ZFYVE28: variants seen among roughly 807,000 people sequenced by gnomAD.
The protein encoded by ZFYVE28 is zinc finger FYVE-type containing 28.
ZFYVE28 carries 40 observed loss-of-function variants against 82.1 expected under a neutral mutation model. The observed-to-expected ratio is 0.49, with a 90% confidence interval of 0.38 to 0.63. The LOEUF (loss-of-function observed/expected upper bound fraction) is 0.63. Ranked by LOEUF, ZFYVE28 falls within the 30% of genes least tolerant of loss-of-function variation. ZFYVE28 has a pLI of 0.00. For synonymous variants in ZFYVE28, 612 were observed against 546.1 expected, an observed-to-expected ratio of 1.12 and a Z score of -1.68; for missense variants, 1,321 against 1,242.1, an observed-to-expected ratio of 1.06 and a Z score of -0.96.
At chr4:2,354,387 C>T (rs892206797) in intron 1 of ZFYVE28, among the ~76,000 whole-genome samples, 1 of 151,662 alleles carries the variant, frequency 6.6e-6, no homozygotes, top group Non-Finnish European at 1.5e-5. Context: ...GGAGAGCCCA[C>T]AGAAAAGGGG....
In ZFYVE28 at chr4:2,362,744, T is replaced by C. The variant is rs1726333610; in HGVS notation, c.40-8671A>G. Among the ~76,000 whole-genome samples the C allele has an allele frequency of 6.6e-6, 1 of 152,044 alleles. No individual in the cohort carries two copies. The highest frequency in any genetic ancestry group is 1.5e-5 in the Non-Finnish European group (1 of 67,978). On this transcript the variant is annotated intron_variant, in intron 1 of 12. Coordinates refer to ENST00000290974, the MANE Select transcript of ZFYVE28 (RefSeq NM_020972.3). The surrounding 1 kb of genome is among the most constrained non-coding windows in gnomAD (Gnocchi z 5.1). ...GCTGCCACACCCACCCCAATGTTAC[T>C]ATTGTTGCTACTGTCTCCCTCCCCA...
chr4:2,322,872 GCAC>G (rs1421902464), intron 6 of ZFYVE28, among the ~76,000 whole-genome samples: 3 of 152,106 alleles, frequency 2.0e-5, no homozygotes, highest in African/African-American at 7.2e-5. Flanking sequence ...TTTTCACTTT[GCAC>G]CACGTTTTCA....
rs767513417 is a variant in ZFYVE28, at chr4:2,274,228, A to G, written c.2052-12T>C. ...CAGCTGTGGAGCTGCTGCATGGAGAAGGAGATACCGGTGTGTGGGGTGGGG... is the reference window on the plus strand; with the variant it reads ...CAGCTGTGGAGCTGCTGCATGGAGAGGGAGATACCGGTGTGTGGGGTGGGG... On this transcript the variant is annotated splice_polypyrimidine_tract_variant and intron_variant, in intron 8 of 12. Transcript: ENST00000290974. The G allele has an allele frequency of 6.2e-7, 1 of 1,610,294 alleles. No homozygotes were observed. Among genetic ancestry groups the G allele is most frequent in the Non-Finnish European group, 8.5e-7 (1 of 1,177,404 alleles).
intron 1 of ZFYVE28, among the ~76,000 whole-genome samples, chr4:2,365,221 C>A (rs933199218): frequency 6.6e-6 from 1 of 151,978 alleles, no homozygotes; most frequent in Non-Finnish European, 1.5e-5. Flanking sequence ...GGGTGGGCCA[C>A]GCGGGGTTCG....
chr4:2,291,697 G>C (rs1257776800), intron 8 of ZFYVE28, among the ~76,000 whole-genome samples: 3 of 152,200 alleles, frequency 2.0e-5, no homozygotes, highest in Non-Finnish European at 4.4e-5. Context: ...CCTGGACTCT[G>C]CCCAGCTCCT....
At position 2,417,447 on chromosome 4, in the gene ZFYVE28, G is replaced by A. The variant is rs1733197204; in HGVS notation, c.39+838C>T. On this transcript the variant is annotated intron_variant, in intron 1 of 12. Transcript: ENST00000290974. This position sits in a 1 kb window ranked among gnomAD's most constrained non-coding sequence, Gnocchi z 4.8. Reference sequence around the variant, plus strand: ...ACTGGCGCAGCCGCTGAGGCACGGGGCGCGCCGCCCGGACCCCGACCCCGC... The same window carrying A: ...ACTGGCGCAGCCGCTGAGGCACGGGACGCGCCGCCCGGACCCCGACCCCGC... Among the ~76,000 whole-genome samples, 1 of 150,300 alleles carries A rather than the reference G, an allele frequency of 6.7e-6. No homozygotes were observed. The highest frequency in any genetic ancestry group is 2.4e-5 in the African/African-American group (1 of 41,220).
In ZFYVE28 at chr4:2,416,607, C is replaced by A. The variant is rs1733064753; in HGVS notation, c.39+1678G>T. On this transcript the variant is annotated intron_variant, in intron 1 of 12. Coordinates refer to ENST00000290974, the MANE Select transcript of ZFYVE28 (RefSeq NM_020972.3). This position sits in a 1 kb window ranked among gnomAD's most constrained non-coding sequence, Gnocchi z 4.6. ...AGCGGAGGCCACCGCCCTACCCCGG[C>A]AGAGGCACATGGGGGCAGCAGGCAG... Among the ~76,000 whole-genome samples the A allele has an allele frequency of 6.6e-6, 1 of 152,210 alleles. No individual in the cohort carries two copies. The highest frequency in any genetic ancestry group is 1.5e-5 in the Non-Finnish European group (1 of 68,040).
At chr4:2,402,177 C>A (rs1293456695) in intron 1 of ZFYVE28, among the ~76,000 whole-genome samples, 1 of 152,252 alleles carries the variant, frequency 6.6e-6, no homozygotes, top group Non-Finnish European at 1.5e-5. Flanking sequence ...CCGCTCCCCT[C>A]ATGGCACCAG....
chr4:2,271,916 G>T lies in ZFYVE28; in HGVS notation c.2324-137C>A, dbSNP rs563746174. On this transcript the variant is annotated intron_variant, in intron 10 of 12. Coordinates refer to ENST00000290974, the MANE Select transcript of ZFYVE28 (RefSeq NM_020972.3). ...CAAGCCCACTGGCAGTCTCATGGCA[G>T]GTGGCACCACAGCAGGTTGGGCGCC... 1,562 of 752,994 alleles carry T rather than the reference G, an allele frequency of 2.1e-3. 10 individuals are homozygous for T. The highest frequency in any genetic ancestry group is 9.5e-3 in the Middle Eastern group (25 of 2,644). The allele number at this position is 752,994 out of a possible 1,614,324, so 46.6% of individuals were successfully genotyped here.
intron 1 of ZFYVE28, among the ~76,000 whole-genome samples, chr4:2,369,839 TTTTTTC>T (rs1474624487): frequency 8.6e-5 from 12 of 139,684 alleles, no homozygotes; most frequent in Admixed American, 2.2e-4. Context: ...AGGGATTTTT[TTTTTTC>T]TTTTCTTTTT....
intron 8 of ZFYVE28, among the ~76,000 whole-genome samples, chr4:2,279,442 CAAA>C (rs1711599307): frequency 6.6e-6 from 1 of 150,474 alleles, no homozygotes; most frequent in Non-Finnish European, 1.5e-5. Flanking sequence ...AAAACAAAAA[CAAA>C]AACACACCCA....
At chr4:2,391,768 C>T (rs1729866666) in intron 1 of ZFYVE28, among the ~76,000 whole-genome samples, 1 of 138,638 alleles carries the variant, frequency 7.2e-6, no homozygotes, top group Non-Finnish European at 1.5e-5. Context: ...CTGAGTCTTG[C>T]TCTGTTTCCC....
chr4:2,315,931 C>T (rs1299026969), intron 7 of ZFYVE28, among the ~76,000 whole-genome samples: 1 of 151,934 alleles, frequency 6.6e-6, no homozygotes, highest in Non-Finnish European at 1.5e-5. Context: ...GAGTTTGTTA[C>T]ACGTGTCTCT....
At chr4:2,392,470 C>T (rs1209326011) in intron 1 of ZFYVE28, among the ~76,000 whole-genome samples, 1 of 152,174 alleles carries the variant, frequency 6.6e-6, no homozygotes, top group Non-Finnish European at 1.5e-5. Context: ...AATCATGTTA[C>T]ATTACGTCTT....
intron 1 of ZFYVE28, among the ~76,000 whole-genome samples, chr4:2,389,433 C>T (rs989106984): frequency 6.6e-6 from 1 of 152,188 alleles, no homozygotes; most frequent in African/African-American, 2.4e-5. Flanking sequence ...CAGTGTCCAC[C>T]ACATGAGGAG....
At chr4:2,291,751 G>A (rs549523698) in intron 8 of ZFYVE28, among the ~76,000 whole-genome samples, 6 of 152,284 alleles carry the variant, frequency 3.9e-5, no homozygotes, top group East Asian at 3.9e-4. Flanking sequence ...CACACTTGCC[G>A]ATGCCCATCC....
chr4:2,286,278 G>A (rs1712725874), intron 8 of ZFYVE28: 1 of 152,352 alleles, frequency 6.6e-6, no homozygotes, highest in Non-Finnish European at 1.5e-5. Context: ...CTGCTAATGA[G>A]ACCTAAGGGA....
chr4:2,278,753 CAA>C (rs111557109), intron 8 of ZFYVE28, among the ~76,000 whole-genome samples: 7,001 of 137,956 alleles, frequency 0.051, 320 homozygotes, highest in African/African-American at 0.12. Flanking sequence ...ACAAAAAGAC[CAA>C]AAAAAAAAAC....
chr4:2,308,488 C>A (rs1046609291), intron 7 of ZFYVE28, among the ~76,000 whole-genome samples: 7 of 107,578 alleles, frequency 6.5e-5, no homozygotes, highest in Non-Finnish European at 1.2e-4. Flanking sequence ...TTATCAATTT[C>A]TACAAGGAAG....
Sources: gnomAD v4.1 joint callset for allele counts (sites outside exome capture counted in the v4.1 genomes callset) on GRCh38, gnomAD v4.1.1 for gene constraint, Gnocchi (gnomAD v3.1) non-coding constraint, MANE v1.5 for transcripts, NCBI Gene and HGNC (gene_info 2026-07-23, HGNC 2026-07-21) for gene names.